The following GNGT1 variants were observed in gnomAD, a reference collection of about 807,000 sequenced individuals.
GNGT1 encodes the protein guanine nucleotide-binding protein G(T) subunit gamma-T1.
A neutral mutation model predicts 7.4 loss-of-function variants in GNGT1; 4 were observed. That is an observed-to-expected ratio of 0.54 (90% CI 0.27 to 1.24). GNGT1 has a LOEUF of 1.24. GNGT1 is among the 50% of genes most tolerant of loss of function. GNGT1 has a pLI of 0.12. For synonymous variants in GNGT1, 37 were observed against 30.2 expected, an observed-to-expected ratio of 1.23 and a Z score of -0.74; for missense variants, 95 against 82.4, an observed-to-expected ratio of 1.15 and a Z score of -0.59.
intron 2 of GNGT1, chr7:93,910,264 T>A (rs1378272607): frequency 6.6e-6 from 1 of 152,228 alleles, no homozygotes; most frequent in South Asian, 2.1e-4. Flanking sequence ...ACTGAACAAA[T>A]CAGCCAAAGG....
intron 2 of GNGT1, among the ~76,000 whole-genome samples, chr7:93,907,524 G>T (rs1350418719): frequency 6.6e-6 from 1 of 152,054 alleles, no homozygotes; most frequent in East Asian, 1.9e-4. Flanking sequence ...CTTGGAAAGG[G>T]TTACCAACAG....
chr7:93,909,341 A>C (rs1056425355), intron 2 of GNGT1: 5 of 511,738 alleles, frequency 9.8e-6, no homozygotes, highest in African/African-American at 9.6e-5. Context: ...ACTAAGACTA[A>C]ATAGCTAGTA....
chr7:93,909,771 A>G (rs75057087), intron 2 of GNGT1: 7,642 of 332,038 alleles, frequency 0.023, 132 homozygotes, highest in Admixed American at 0.054. Context: ...GAGTCTGCCT[A>G]GTTATAAAAT....
At position 93,909,458 on chromosome 7, in the gene GNGT1, G is replaced by C. The variant is rs1432944212; in HGVS notation, c.97-1332G>C. On this transcript the variant is annotated intron_variant, in intron 2 of 2. Coordinates refer to ENST00000248572, the MANE Select transcript of GNGT1 (RefSeq NM_021955.5). Reference sequence around the variant, plus strand: ...CATATATAATTTTAGGTAATTTGTTGCTCCTTTCATTCTCATATCCTCAGA... The same window carrying C: ...CATATATAATTTTAGGTAATTTGTTCCTCCTTTCATTCTCATATCCTCAGA... 8.6e-6 allele frequency: 6 copies of C among 701,174 alleles called. No individual in the cohort carries two copies. The Admixed American group carries it at 1.2e-4, about 14-fold the overall frequency. The allele number at this position is 701,174 out of a possible 1,614,324, so 43.4% of individuals were successfully genotyped here.
intron 2 of GNGT1, chr7:93,910,178 A>G (rs180270): frequency 6.6e-6 from 1 of 151,894 alleles, no homozygotes. Context: ...CTCAAAAACA[A>G]CATGAATAAT....
intron 2 of GNGT1, chr7:93,909,570 G>A (rs1193986199): frequency 4.3e-6 from 3 of 690,374 alleles, no homozygotes; most frequent in Admixed American, 2.0e-5. Context: ...TCATCTGGGT[G>A]AAGCCAAAAG....
At chr7:93,909,568 G>A (rs1794428070) in intron 2 of GNGT1, 1 of 692,072 alleles carries the variant, frequency 1.4e-6, no homozygotes, top group Non-Finnish European at 2.6e-6. Context: ...TGTCATCTGG[G>A]TGAAGCCAAA....
chr7:93,910,945 C>A lies in GNGT1; in HGVS notation c.*27C>A. The A allele has an allele frequency of 2.0e-6, 3 of 1,498,546 alleles. No individual in the cohort carries two copies. Among genetic ancestry groups the A allele is most frequent in the Non-Finnish European group, 2.7e-6 (3 of 1,107,064 alleles). 92.8% of individuals were successfully genotyped at this position (1,498,546 alleles called of 1,614,324 possible). A position where few individuals can be genotyped will look rare whatever the true frequency, so the allele number is the denominator to read the frequency against. ...ACAAACAAAAAGAAAAAAAATTAAA[C>A]AAATTCTTGGAAATATCTCAAATGT... On this transcript the variant is annotated 3_prime_UTR_variant, in exon 3 of 3. Transcript: ENST00000248572.
chr7:93,910,708 T>C (rs2115899867), intron 2 of GNGT1, 82 bp from the exon 3 acceptor site: 4 of 971,770 alleles, frequency 4.1e-6, no homozygotes, highest in African/African-American at 1.6e-5. Flanking sequence ...AACCTGAAAA[T>C]TTATTGTAAT....
At chr7:93,909,482 G>GCTT in intron 2 of GNGT1, 1 of 702,172 alleles carries the variant, frequency 1.4e-6, no homozygotes, top group South Asian at 1.5e-5. Context: ...CATATCCTCA[G>GCTT]ATCCCAGCCA....
At chr7:93,906,897 AC>A in intron 2 of GNGT1, 55 bp downstream of exon 2, 1 of 977,938 alleles carries the variant, frequency 1.0e-6, no homozygotes, top group Non-Finnish European at 1.6e-6. Context: ...CTGTGGGAGT[AC>A]CAGGTTAGAA....
intron 2 of GNGT1, among the ~76,000 whole-genome samples, 159 bp downstream of exon 2, chr7:93,907,001 A>C (rs993125548): frequency 7.2e-6 from 1 of 139,044 alleles, no homozygotes; most frequent in South Asian, 2.3e-4. Context: ...AATCATAACT[A>C]TCTCTTGATT....
intron 2 of GNGT1, 42 bp downstream of exon 2, chr7:93,906,884 A>G: frequency 8.9e-7 from 1 of 1,121,424 alleles, no homozygotes; most frequent in Non-Finnish European, 1.3e-6. Flanking sequence ...TAAGCTAGAG[A>G]TACTGTGGGA....
chr7:93,910,585 T>C (rs1055460617), intron 2 of GNGT1: 14 of 260,978 alleles, frequency 5.4e-5, no homozygotes, highest in Non-Finnish European at 8.8e-5. Flanking sequence ...GCCAGCTGTT[T>C]TTCCTTTGTC....
At position 93,910,900 on chromosome 7, in the gene GNGT1, AG is replaced by A; in HGVS notation, c.209del (p.Gly70AlafsTer3). On this transcript the variant is annotated frameshift_variant, in exon 3 of 3. Transcript: ENST00000248572. LOFTEE classifies it high-confidence loss of function. ...DKNPFKELKGGCVIS is the reference protein window; with the variant it reads ...DKNPFKELKGXCVIS ...AAAATCCCTTCAAGGAGCTCAAAGGAGGCTGTGTGATTTCATAATACAAACA... is the reference window on the plus strand; with the variant it reads ...AAAATCCCTTCAAGGAGCTCAAAGGAGCTGTGTGATTTCATAATACAAACA... 1 of 1,586,690 alleles carries A rather than the reference AG, an allele frequency of 6.3e-7. No homozygotes were observed.
intron 2 of GNGT1, 30 bp downstream of exon 2, chr7:93,906,872 T>A: frequency 7.6e-7 from 1 of 1,322,908 alleles, no homozygotes; most frequent in Non-Finnish European, 1.1e-6. Context: ...AGTATTTTAT[T>A]TTAAGCTAGA....
rs1029987313 is a variant in GNGT1, at chr7:93,906,821, A to T, written c.75A>T (p.Glu25Asp). ...TGGAAGTTGACCAGCTCAAGAAAGAAGTGACACTGGAAAGAATGCTAGTAA... is the reference window on the plus strand; with the variant it reads ...TGGAAGTTGACCAGCTCAAGAAAGATGTGACACTGGAAAGAATGCTAGTAA... Reference protein sequence around the residue: ...LKMEVDQLKKEVTLERMLVSK... With the variant: ...LKMEVDQLKKDVTLERMLVSK... The change falls in exon 2 of 3, where the codon GAA becomes GAT. Residue 25 changes from glutamate (E) to aspartate (D), a missense_variant. Glu to Asp is a conservative substitution (Grantham distance 45). Coordinates refer to ENST00000248572, the MANE Select transcript of GNGT1 (RefSeq NM_021955.5). 3.8e-6 allele frequency: 6 copies of T among 1,597,062 alleles called. No homozygotes were observed. Among genetic ancestry groups the T allele is most frequent in the East Asian group, 2.3e-5 (1 of 44,156 alleles).
intron 2 of GNGT1, among the ~76,000 whole-genome samples, chr7:93,907,328 G>T (rs1281998072): frequency 6.6e-6 from 1 of 152,024 alleles, no homozygotes; most frequent in African/African-American, 2.4e-5. Context: ...TTTTTATAAT[G>T]CAATATTTTG....
chr7:93,907,100 A>C (rs558009801), intron 2 of GNGT1, among the ~76,000 whole-genome samples: 1 of 151,972 alleles, frequency 6.6e-6, no homozygotes, highest in East Asian at 1.9e-4. Context: ...AAAGATAAGA[A>C]TGCTTTTTCA....
Sources: gnomAD v4.1 joint callset for allele counts (sites outside exome capture counted in the v4.1 genomes callset) on GRCh38, gnomAD v4.1.1 for gene constraint, MANE v1.5 for transcripts, NCBI Gene and HGNC (gene_info 2026-07-23, HGNC 2026-07-21) for gene names.